The following KCNMA1 variants were observed in gnomAD, a reference collection of about 807,000 sequenced individuals.
KCNMA1 encodes potassium calcium-activated channel subfamily M alpha 1, also known as Calcium-activated potassium channel subunit alpha-1.
KCNMA1 carries 29 observed loss-of-function variants against 140.0 expected under a neutral mutation model. That is an observed-to-expected ratio of 0.21 (90% CI 0.15 to 0.28). KCNMA1 has a LOEUF of 0.28. KCNMA1 is among the 10% of genes least tolerant of loss of function. The pLI is 1.00. For missense variants in KCNMA1, 880 were observed against 1,602.2 expected, an observed-to-expected ratio of 0.55 and a Z score of 7.70; for synonymous variants, 612 against 611.9, an observed-to-expected ratio of 1.00 and a Z score of 0.00.
At chr10:77,193,987 C>A (rs2039551772) in intron 3 of KCNMA1, among the ~76,000 whole-genome samples, 1 of 152,078 alleles carries the variant, frequency 6.6e-6, no homozygotes, top group Non-Finnish European at 1.5e-5. Context: ...ATTAAAATTG[C>A]CACCTATGTG....
chr10:77,031,306 C>T (rs1487008330), intron 15 of KCNMA1, among the ~76,000 whole-genome samples: 1 of 152,170 alleles, frequency 6.6e-6, no homozygotes, highest in Non-Finnish European at 1.5e-5. Flanking sequence ...TCAGATAGGG[C>T]CACATTGGCA....
chr10:77,414,167 C>A (rs1248655121), intron 1 of KCNMA1, among the ~76,000 whole-genome samples: 3 of 152,226 alleles, frequency 2.0e-5, no homozygotes, highest in Admixed American at 2.0e-4. Context: ...TCCCCAAGGT[C>A]TGTCCAGCTC....
intron 5 of KCNMA1, among the ~76,000 whole-genome samples, chr10:77,135,085 G>T (rs1390919458): frequency 7.5e-6 from 1 of 133,392 alleles, no homozygotes; most frequent in Non-Finnish European, 1.6e-5. Flanking sequence ...AAAAATATTT[G>T]AAAACTATAC....
At chr10:77,078,202 C>G (rs1346935369) in intron 13 of KCNMA1, 3 of 152,244 alleles carry the variant, frequency 2.0e-5, no homozygotes, top group Admixed American at 1.3e-4. Flanking sequence ...CGCTGTTACT[C>G]ATAACCCAGC....
intron 1 of KCNMA1, among the ~76,000 whole-genome samples, chr10:77,603,704 G>GCCCACAC (rs1205072411): frequency 6.6e-6 from 1 of 152,088 alleles, no homozygotes; most frequent in African/African-American, 2.4e-5. Context: ...TCCTTCCACA[G>GCCCACAC]CCCACACCCC....
intron 1 of KCNMA1, among the ~76,000 whole-genome samples, chr10:77,449,832 C>T (rs1297880566): frequency 1.3e-5 from 2 of 151,832 alleles, no homozygotes; most frequent in East Asian, 1.9e-4. Context: ...TTAGTAGAGA[C>T]GGGGTTTCAC....
At chr10:77,505,073 C>T (rs529315748) in intron 1 of KCNMA1, among the ~76,000 whole-genome samples, 14 of 152,260 alleles carry the variant, frequency 9.2e-5, no homozygotes, top group Admixed American at 5.2e-4. Flanking sequence ...CCAGGGTTAA[C>T]GGCTGGCGGC....
At chr10:76,960,611 T>C (rs139767829) in intron 20 of KCNMA1, among the ~76,000 whole-genome samples, 1,683 of 144,180 alleles carry the variant, frequency 0.012, 31 homozygotes, top group Admixed American at 0.031. Context: ...GCAGATATTA[T>C]GGTTTTGTTT....
chr10:77,142,958 G>A (rs1032163862), intron 5 of KCNMA1, among the ~76,000 whole-genome samples: 1 of 152,126 alleles, frequency 6.6e-6, no homozygotes, highest in Admixed American at 6.5e-5. Flanking sequence ...AAAATTTCAG[G>A]TTCAGGCAGT....
At position 77,075,730 on chromosome 10, in the gene KCNMA1, G is replaced by A. The variant is rs1188973999; in HGVS notation, c.1594-2478C>T. ...TTTTGGATATTATATTTTCTCCAACGCAGGGAAGGAGTGAGGGTGACCTGC... is the reference window on the plus strand; with the variant it reads ...TTTTGGATATTATATTTTCTCCAACACAGGGAAGGAGTGAGGGTGACCTGC... On this transcript the variant is annotated intron_variant, in intron 13 of 27. Coordinates refer to ENST00000286628, the MANE Select transcript of KCNMA1 (RefSeq NM_001161352.2). 6.6e-5 allele frequency among the ~76,000 whole-genome samples: 10 copies of A among 152,252 alleles called. No homozygotes were observed. The East Asian group carries it at 1.5e-3, about 24-fold the overall frequency.
At chr10:77,605,205 G>A (rs529595564) in intron 1 of KCNMA1, among the ~76,000 whole-genome samples, 5 of 152,348 alleles carry the variant, frequency 3.3e-5, no homozygotes, top group African/African-American at 1.2e-4. Context: ...TGGTAAGAAG[G>A]GCCCTGTGTT....
intron 17 of KCNMA1, among the ~76,000 whole-genome samples, chr10:77,017,695 T>C (rs1485258464): frequency 1.3e-5 from 2 of 152,186 alleles, no homozygotes; most frequent in African/African-American, 2.4e-5. Context: ...TCACATGTCA[T>C]CGTTCTGTGC....
At chr10:77,553,224 T>A (rs1022915675) in intron 1 of KCNMA1, among the ~76,000 whole-genome samples, 1 of 152,216 alleles carries the variant, frequency 6.6e-6, no homozygotes, top group African/African-American at 2.4e-5. Context: ...AACTTTTTCT[T>A]CTTTTTTTTC....
chr10:77,359,510 C>T (rs1651229291), intron 2 of KCNMA1, among the ~76,000 whole-genome samples: 1 of 152,144 alleles, frequency 6.6e-6, no homozygotes, highest in African/African-American at 2.4e-5. Context: ...AATCAGAAGA[C>T]AGCAGCGTAG....
intron 22 of KCNMA1, 170 bp downstream of exon 22, chr10:76,948,972 C>A: frequency 1.4e-6 from 1 of 712,312 alleles, no homozygotes; most frequent in Non-Finnish European, 2.5e-6. Context: ...TAAGGTCTCC[C>A]AGGGTTTGGA....
chr10:77,192,057 T>G (rs2098942981), intron 3 of KCNMA1, among the ~76,000 whole-genome samples: 1 of 152,152 alleles, frequency 6.6e-6, no homozygotes. Flanking sequence ...CTCTGTATTC[T>G]TGAGCTTTGA....
chr10:77,571,327 G>A (rs1374288920), intron 1 of KCNMA1, among the ~76,000 whole-genome samples: 2 of 152,172 alleles, frequency 1.3e-5, no homozygotes, highest in Non-Finnish European at 2.9e-5. Context: ...ATCAAGGCTT[G>A]AGCTACAAGT....
At position 77,194,311 on chromosome 10, in the gene KCNMA1, C is replaced by T. The variant is rs569378029; in HGVS notation, c.603-9395G>A. Among the ~76,000 whole-genome samples, 5 of 152,322 alleles carry T rather than the reference C, an allele frequency of 3.3e-5. No homozygotes were observed. In the East Asian group the frequency reaches 9.7e-4, roughly 29 times the overall value. ...AGACTGTCAAATCACTGTGGGACTTCTTTGGGCTGTTACTAGATGCAGACT... is the reference window on the plus strand; with the variant it reads ...AGACTGTCAAATCACTGTGGGACTTTTTTGGGCTGTTACTAGATGCAGACT... On this transcript the variant is annotated intron_variant, in intron 3 of 27. Transcript: ENST00000286628.
At position 77,404,150 on chromosome 10, in the gene KCNMA1, A is replaced by G. The variant is rs568192165; in HGVS notation, c.379-127T>C. The G allele has an allele frequency of 1.9e-5, 15 of 808,210 alleles. No individual in the cohort carries two copies. In the African/African-American group the frequency reaches 1.9e-4, roughly 10 times the overall value. 50.1% of individuals were successfully genotyped at this position (808,210 alleles called of 1,614,324 possible). A position where few individuals can be genotyped will look rare whatever the true frequency, so the allele number is the denominator to read the frequency against. On this transcript the variant is annotated intron_variant, in intron 1 of 27. Coordinates refer to ENST00000286628, the MANE Select transcript of KCNMA1 (RefSeq NM_001161352.2). ...ATGGAAACTAGCTTAAAGGTATAGG[A>G]GTAAAGCAGAAGGGGTAAATTATGC...
Sources: gnomAD v4.1 joint callset for allele counts (sites outside exome capture counted in the v4.1 genomes callset) on GRCh38, gnomAD v4.1.1 for gene constraint, MANE v1.5 for transcripts, NCBI Gene and HGNC (gene_info 2026-07-23, HGNC 2026-07-21) for gene names.